Variants in ADAMTS7 observed in about 807,000 individuals in gnomAD.
The protein encoded by ADAMTS7 is A disintegrin and metalloproteinase with thrombospondin motifs 7.
In ADAMTS7, 89 loss-of-function variants were observed where a neutral mutation model predicts 172.6. That is an observed-to-expected ratio of 0.52 (90% CI 0.43 to 0.61). The LOEUF is 0.61. Among genes scored for constraint, ADAMTS7 ranks in the 20% least tolerant of loss-of-function variants. The pLI is 0.00. For synonymous variants in ADAMTS7, 885 were observed against 978.4 expected, an observed-to-expected ratio of 0.90 and a Z score of 1.78; for missense variants, 1,973 against 2,355.6, an observed-to-expected ratio of 0.84 and a Z score of 3.36.
Position 78,759,966 on chromosome 15 carries a change from G to A in ADAMTS7, c.4904-388C>T, listed in dbSNP as rs1383443505. 3.3e-5 allele frequency among the ~76,000 whole-genome samples: 5 copies of A among 152,146 alleles called. No individual in the cohort carries two copies. The East Asian group carries it at 9.6e-4, about 29-fold the overall frequency. On this transcript the variant is annotated intron_variant, in intron 23 of 23. Transcript: ENST00000388820. ...CAGAACTGCGGTCCCGGGGCCTCCT[G>A]CCAGCCTGCAGCGGCCTCTGCCCCC... is the stretch of plus-strand genomic sequence containing the variant.
At position 78,773,116 on chromosome 15, in the gene ADAMTS7, C is replaced by T. The variant is rs769188745; in HGVS notation, c.2098G>A (p.Val700Met). ...TCGGCCTCCTCGAAGGTCCCGCTCA[C>T]GGTGTGGCAGGTGGAGCCGTTGCCG... ...CHGNGSTCHT[V>M]SGTFEEAEGL... Residue 700 changes from valine (V) to methionine (M), a missense_variant, in exon 14 of 24, where the codon GTG becomes ATG. Physicochemically the swap from Val to Met is conservative, Grantham distance 21. Around this residue, in one of 8 missense-constraint regions of ADAMTS7, gnomAD observed 771 missense variants for 952.6 expected, o/e 0.81. Coordinates refer to ENST00000388820, the MANE Select transcript of ADAMTS7 (RefSeq NM_014272.5). 1.2e-5 allele frequency: 18 copies of T among 1,525,928 alleles called. 1 individual carries two copies. The highest frequency in any genetic ancestry group is 3.9e-4 in the Middle Eastern group (2 of 5,112). The allele number at this position is 1,525,928 out of a possible 1,614,324, so 94.5% of individuals were successfully genotyped here.
intron 8 of ADAMTS7, 36 bp from the exon 9 acceptor site, chr15:78,777,624 C>A (rs761252237): frequency 6.3e-6 from 10 of 1,580,186 alleles, no homozygotes; most frequent in African/African-American, 1.3e-5. Context: ...GGGGGCGCAG[C>A]CTGTGAGACC....
intron 8 of ADAMTS7, among the ~76,000 whole-genome samples, chr15:78,784,064 C>T (rs1004864616): frequency 1.3e-5 from 2 of 151,884 alleles, no homozygotes; most frequent in Admixed American, 1.3e-4. Context: ...AAATCAGATG[C>T]CCCCTAGAAA....
Position 78,791,187 on chromosome 15 carries a change from G to T in ADAMTS7, c.856C>A (p.Pro286Thr), listed in dbSNP as rs944773962. The T allele has an allele frequency of 4.3e-6, 7 of 1,613,560 alleles. No homozygotes were observed. The Admixed American group carries it at 1.2e-4, about 27-fold the overall frequency. Residue 286 changes from proline to threonine, a missense_variant, in exon 5 of 24, where the codon CCC (proline) becomes ACC (threonine). Pro to Thr is a conservative substitution (Grantham distance 38). This residue lies in a region of ADAMTS7 where 526 missense variants were observed against 662.9 expected (regional missense o/e 0.79). Transcript: ENST00000388820. ...AGGCGCACAATGGTGATGTGGATGG[G>T]GTTCCCAATGCTGGGGTCATGAAAC... Reference protein sequence around the residue: ...GLFHDPSIGNPIHITIVRLVL... With the variant: ...GLFHDPSIGNTIHITIVRLVL...
intron 1 of ADAMTS7, among the ~76,000 whole-genome samples, chr15:78,802,253 G>A (rs753770891): frequency 2.0e-5 from 3 of 152,178 alleles, no homozygotes; most frequent in Admixed American, 6.6e-5. Flanking sequence ...TTACAATCTC[G>A]ATGCTGTCGT....
intron 8 of ADAMTS7, among the ~76,000 whole-genome samples, chr15:78,785,546 CA>C (rs58203887): frequency 0.29 from 36,278 of 123,772 alleles, 4,012 homozygotes; most frequent in East Asian, 0.38. Flanking sequence ...GAGAGTCTCT[CA>C]AAAAAAAAAA....
intron 10 of ADAMTS7, 182 bp downstream of exon 10, chr15:78,776,567 C>G (rs2055348830): frequency 2.8e-5 from 23 of 826,758 alleles, no homozygotes; most frequent in Non-Finnish European, 4.1e-5. Context: ...CCTGGGGAAT[C>G]ATGGAATCAA....
intron 14 of ADAMTS7, among the ~76,000 whole-genome samples, 156 bp downstream of exon 14, chr15:78,772,927 T>C (rs1005882921): frequency 6.6e-6 from 1 of 152,228 alleles, no homozygotes; most frequent in Admixed American, 6.5e-5. Flanking sequence ...AGGGGTCCCC[T>C]GACTCCTGCA....
chr15:78,767,234 C>T, intron 18 of ADAMTS7, 145 bp downstream of exon 18: 2 of 1,212,122 alleles, frequency 1.7e-6, no homozygotes, highest in Non-Finnish European at 2.3e-6. Context: ...GCTTCCTGAT[C>T]CCTGAGGCTT....
intron 23 of ADAMTS7, among the ~76,000 whole-genome samples, chr15:78,760,451 C>T (rs1033295302): frequency 5.3e-5 from 8 of 152,176 alleles, no homozygotes; most frequent in Admixed American, 3.3e-4. Context: ...CCCCCAGGCC[C>T]GGCAGAGGGC....
At chr15:78,787,149 T>C (rs2055512471) in intron 8 of ADAMTS7, among the ~76,000 whole-genome samples, 2 of 152,106 alleles carry the variant, frequency 1.3e-5, no homozygotes, top group Non-Finnish European at 2.9e-5. Context: ...TTAGCAGTTT[T>C]GGGCGAGTCG....
At position 78,777,507 on chromosome 15, in the gene ADAMTS7, A is replaced by G. The variant is rs1202556260; in HGVS notation, c.1404T>C (p.Tyr468=). The G allele has an allele frequency of 1.2e-6, 2 of 1,612,224 alleles. No individual in the cohort carries two copies. The highest frequency in any genetic ancestry group is 1.7e-6 in the Non-Finnish European group (2 of 1,179,358). The change falls in exon 9 of 24, where the codon TAT becomes TAC. Residue 468 remains tyrosine, a synonymous_variant. Transcript: ENST00000388820. ...GGAGGCGGCACTGGTGGCTTACATC[A>G]TAGAGGACGCCAGGTGGCACCGAGG... ...DFPSVPPGVL[Y]DVSHQCRLQY... is the part of the protein sequence containing the mutation.
intron 23 of ADAMTS7, chr15:78,761,939 G>A (rs1406094011): frequency 3.0e-6 from 3 of 985,264 alleles, no homozygotes; most frequent in African/African-American, 3.5e-5. Context: ...CCCTGGAAAG[G>A]AGGCCCTTCC....
In ADAMTS7 at chr15:78,771,821, C is replaced by T. The variant is rs751780776; in HGVS notation, c.2140G>A (p.Asp714Asn). 8 of 1,610,858 alleles carry T rather than the reference C, an allele frequency of 5.0e-6. No homozygotes were observed. Among genetic ancestry groups the T allele is most frequent in the South Asian group, 2.2e-5 (2 of 91,030 alleles). ...FEEAEGLGYV[D>N]VGLIPAGARE... is the part of the protein sequence containing the mutation. ...GCGCCCGCTGGGATCAGCCCCACAT[C>T]CACATACCCTGTCAGCCAAGGGTTG... The change falls in exon 15 of 24, where the codon GAT becomes AAT. Residue 714 changes from aspartate to asparagine, a missense_variant. By Grantham distance (23) the Asp-to-Asn change is conservative (BLOSUM62 1). Coordinates refer to ENST00000388820, the MANE Select transcript of ADAMTS7 (RefSeq NM_014272.5). The surrounding 1 kb of genome is among the most constrained non-coding windows in gnomAD (Gnocchi z 4.9).
rs575385812 is a variant in ADAMTS7 at position 78,777,455 on chromosome 15, C to T, written c.1456G>A (p.Glu486Lys). The T allele has an allele frequency of 1.5e-5, 24 of 1,612,720 alleles. No individual in the cohort carries two copies. Among genetic ancestry groups the T allele is most frequent in the East Asian group, 4.5e-5 (2 of 44,850 alleles). The change falls in exon 9 of 24, where the codon GAG (glutamate) becomes AAG (lysine). Residue 486 changes from glutamate to lysine, a missense_variant. By Grantham distance (56) the Glu-to-Lys change is moderately conservative. Around this residue, in one of 8 missense-constraint regions of ADAMTS7, gnomAD observed 526 missense variants for 662.9 expected, o/e 0.79. Transcript: ENST00000388820. ...LQYGAYSAFCEDMDNVCHTLW... is the reference protein window; with the variant it reads ...LQYGAYSAFCKDMDNVCHTLW... ...CCGGCCCCACTCACATCCATGTCCTCGCAGAAGGCAGAGTAGGCCCCGTAC... is the reference window on the plus strand; with the variant it reads ...CCGGCCCCACTCACATCCATGTCCTTGCAGAAGGCAGAGTAGGCCCCGTAC...
intron 8 of ADAMTS7, among the ~76,000 whole-genome samples, chr15:78,787,385 C>A (rs1407222276): frequency 6.8e-6 from 1 of 146,840 alleles, no homozygotes; most frequent in Non-Finnish European, 1.5e-5. Flanking sequence ...ACAGGCCGGG[C>A]ATGGTGCACC....
chr15:78,784,072 A>G (rs1197301247), intron 8 of ADAMTS7, among the ~76,000 whole-genome samples: 2 of 152,140 alleles, frequency 1.3e-5, no homozygotes, highest in Admixed American at 6.5e-5. Flanking sequence ...TGCCCCCTAG[A>G]AAATAGAAAC....
chr15:78,800,530 G>T lies in ADAMTS7; in HGVS notation c.118C>A (p.Arg40=). ...GPAPGRATEG[R]AALDIVHPVR... is the part of the protein sequence containing the mutation. ...GGGTGCACGATGTCCAGTGCCGCCC[G>T]GCCCTCGGTTGCACGTCCTGCAGGG... Residue 40 remains arginine (R), a synonymous_variant, in exon 2 of 24, where the codon CGG becomes AGG. Coordinates refer to ENST00000388820, the MANE Select transcript of ADAMTS7 (RefSeq NM_014272.5). 1 of 1,598,986 alleles carries T rather than the reference G, an allele frequency of 6.3e-7. No homozygotes were observed. The highest frequency in any genetic ancestry group is 8.5e-7 in the Non-Finnish European group (1 of 1,173,318).
intron 1 of ADAMTS7, among the ~76,000 whole-genome samples, chr15:78,807,021 C>T (rs2055806420): frequency 6.6e-6 from 1 of 152,234 alleles, no homozygotes; most frequent in Non-Finnish European, 1.5e-5. Context: ...CCCGCCTCAG[C>T]CTCCCAAAGT....
Sources: gnomAD v4.1 joint callset for allele counts (sites outside exome capture counted in the v4.1 genomes callset) on GRCh38, gnomAD v4.1.1 for gene constraint, gnomAD v4.1.1 regional missense constraint, Gnocchi (gnomAD v3.1) non-coding constraint, MANE v1.5 for transcripts, NCBI Gene and HGNC (gene_info 2026-07-23, HGNC 2026-07-21) for gene names.